The following PPP2R2B variants were observed in gnomAD, a reference collection of about 807,000 sequenced individuals.
PPP2R2B encodes protein phosphatase 2 regulatory subunit Bbeta, also known as serine/threonine-protein phosphatase 2A 55 kDa regulatory subunit B beta isoform.
In PPP2R2B, 5 loss-of-function variants were observed where a neutral mutation model predicts 46.0. The ratio of observed to expected loss-of-function variants is 0.11; its 90% CI spans 0.06 to 0.23. The LOEUF (loss-of-function observed/expected upper bound fraction) is 0.23, where lower values mean the gene tolerates loss of function less well. Ranked by LOEUF, PPP2R2B falls within the 10% of genes least tolerant of loss-of-function variation. The pLI is 1.00. For missense variants in PPP2R2B, 367 were observed against 575.0 expected (o/e 0.64, Z 3.70); for synonymous variants, 215 against 206.7 (o/e 1.04, Z -0.34).
intron 5 of PPP2R2B, among the ~76,000 whole-genome samples, chr5:146,678,270 A>G (rs1292060581): frequency 2.0e-5 from 3 of 151,758 alleles, no homozygotes; most frequent in Admixed American, 2.0e-4. Flanking sequence ...TCCAGCATAT[A>G]AACAGAGCCA....
intron 2 of PPP2R2B, among the ~76,000 whole-genome samples, chr5:146,769,405 G>C (rs1447275161): frequency 6.6e-6 from 1 of 152,150 alleles, no homozygotes; most frequent in South Asian, 2.1e-4. Flanking sequence ...TAAAGTTTGC[G>C]CAGTTCTATG....
At chr5:146,662,938 C>CA (rs1241714450) in intron 5 of PPP2R2B, among the ~76,000 whole-genome samples, 1 of 151,920 alleles carries the variant, frequency 6.6e-6, no homozygotes, top group Admixed American at 6.6e-5. Context: ...GAAATATGCC[C>CA]AACTCATTAG....
intron 5 of PPP2R2B, among the ~76,000 whole-genome samples, chr5:146,661,570 G>T (rs557723361): frequency 6.6e-6 from 1 of 152,218 alleles, no homozygotes; most frequent in South Asian, 2.1e-4. Flanking sequence ...CATAAAAGCT[G>T]CCTGGGGAAT....
rs115484411 is a variant in PPP2R2B at position 147,018,401 on chromosome 5, G to A, written c.79+37264C>T. 7.5e-3 allele frequency among the ~76,000 whole-genome samples: 1,144 copies of A among 152,136 alleles called. 12 individuals carry two copies. The highest frequency in any genetic ancestry group is 0.026 in the African/African-American group (1,094 of 41,514). Reference sequence around the variant, plus strand: ...TCTGTCAGGAGGGATAGTTGGACTCGATTTGGAAGGGTCAATATCCAGTAT... The same window carrying A: ...TCTGTCAGGAGGGATAGTTGGACTCAATTTGGAAGGGTCAATATCCAGTAT... On this transcript the variant is annotated intron_variant, in intron 1 of 8. Coordinates refer to the PPP2R2B transcript ENST00000336640.
chr5:146,922,350 C>A (rs781385974), intron 1 of PPP2R2B: 1 of 152,134 alleles, frequency 6.6e-6, no homozygotes, highest in Non-Finnish European at 1.5e-5. Flanking sequence ...AAATAAACAC[C>A]TCTCCAGGAC....
intron 2 of PPP2R2B, among the ~76,000 whole-genome samples, chr5:146,861,337 T>C (rs1005640117): frequency 6.6e-6 from 1 of 152,062 alleles, no homozygotes; most frequent in Non-Finnish European, 1.5e-5. Context: ...ATTACAGGTG[T>C]GAGCCACCGC....
intron 1 of PPP2R2B, among the ~76,000 whole-genome samples, chr5:147,023,934 C>T (rs773807830): frequency 2.8e-4 from 43 of 152,328 alleles, no homozygotes; most frequent in Non-Finnish European, 5.6e-4. Flanking sequence ...CTTGCGTCTT[C>T]ATCTGCAGAA....
intron 1 of PPP2R2B, among the ~76,000 whole-genome samples, chr5:146,906,399 C>T (rs768568118): frequency 4.6e-5 from 7 of 151,880 alleles, no homozygotes; most frequent in African/African-American, 9.7e-5. Context: ...CTCGGCTCAC[C>T]GCAACCTCTG....
upstream of PPP2R2B, among the ~76,000 whole-genome samples, chr5:147,059,202 TA>T (rs1757183729): frequency 6.6e-6 from 1 of 152,162 alleles, no homozygotes; most frequent in Non-Finnish European, 1.5e-5. Flanking sequence ...TGAACTGTTT[TA>T]ATAAAGCCAC....
At chr5:147,016,684 T>G (rs1015754390) in intron 1 of PPP2R2B, among the ~76,000 whole-genome samples, 10 of 151,560 alleles carry the variant, frequency 6.6e-5, no homozygotes, top group African/African-American at 2.2e-4. Context: ...AAATATTTTC[T>G]AGAGAAGATG....
At chr5:146,811,189 AG>A (rs937063054) in intron 2 of PPP2R2B, among the ~76,000 whole-genome samples, 5 of 152,126 alleles carry the variant, frequency 3.3e-5, no homozygotes, top group African/African-American at 1.2e-4. Flanking sequence ...TAGCAGAGAC[AG>A]GGTTTCACCA....
At chr5:146,615,515 T>TAAA (rs1364774106) in intron 7 of PPP2R2B, among the ~76,000 whole-genome samples, 1 of 71,034 alleles carries the variant, frequency 1.4e-5, no homozygotes, top group Non-Finnish European at 3.2e-5. Context: ...AAAAAAAAAT[T>TAAA]AAAAAAAAAA....
chr5:146,949,438 C>T (rs1764585803), intron 1 of PPP2R2B, among the ~76,000 whole-genome samples: 1 of 151,912 alleles, frequency 6.6e-6, no homozygotes, highest in Non-Finnish European at 1.5e-5. Context: ...AATGCAAATC[C>T]AAACTACAAT....
chr5:146,810,995 T>C (rs1757507066), intron 2 of PPP2R2B, among the ~76,000 whole-genome samples: 1 of 151,658 alleles, frequency 6.6e-6, no homozygotes. Flanking sequence ...GTCCTTGTGA[T>C]AGTTTGCCGA....
chr5:146,783,383 T>C (rs980225375), intron 2 of PPP2R2B, among the ~76,000 whole-genome samples: 1 of 152,204 alleles, frequency 6.6e-6, no homozygotes, highest in African/African-American at 2.4e-5. Context: ...GATATATGCA[T>C]TGAATAAAGA....
At chr5:146,777,661 T>A (rs955149951) in intron 2 of PPP2R2B, among the ~76,000 whole-genome samples, 1 of 152,140 alleles carries the variant, frequency 6.6e-6, no homozygotes, top group Non-Finnish European at 1.5e-5. Context: ...AATTAAGAAG[T>A]CTATTATAAA....
chr5:147,036,003 T>G (rs1756016799), intron 1 of PPP2R2B, among the ~76,000 whole-genome samples: 2 of 152,184 alleles, frequency 1.3e-5, no homozygotes, highest in Admixed American at 1.3e-4. Flanking sequence ...TTTTTTAAAA[T>G]TTCCAACTTT....
chr5:146,779,607 G>A (rs1433842744), intron 2 of PPP2R2B, among the ~76,000 whole-genome samples: 2 of 152,070 alleles, frequency 1.3e-5, no homozygotes. Context: ...TTTCCTTAGA[G>A]GCCAACAGTC....
At chr5:146,617,892 A>G (rs535552338) in intron 7 of PPP2R2B, among the ~76,000 whole-genome samples, 1 of 152,008 alleles carries the variant, frequency 6.6e-6, no homozygotes, top group African/African-American at 2.4e-5. Context: ...ATGGGGTTTC[A>G]CCATGTTGGC....
Sources: allele counts gnomAD v4.1 joint callset (sites outside exome capture counted in the v4.1 genomes callset), GRCh38; gene constraint gnomAD v4.1.1; transcripts MANE v1.5; gene names NCBI Gene and HGNC (gene_info 2026-07-23, HGNC 2026-07-21).